The following REXO1 variants were observed in gnomAD, a reference collection of about 807,000 sequenced individuals.
REXO1 encodes RNA exonuclease 1 homolog.
Under a neutral mutation model 102.6 loss-of-function variants are expected in REXO1, and 42 were observed. That is an observed-to-expected ratio of 0.41 (90% CI 0.32 to 0.53). The LOEUF (loss-of-function observed/expected upper bound fraction) is 0.53. Ranked by LOEUF, REXO1 falls within the 20% of genes least tolerant of loss-of-function variation. The pLI is 0.27. For synonymous variants in REXO1, 908 were observed against 779.1 expected, an observed-to-expected ratio of 1.17 and a Z score of -2.76; for missense variants, 1,819 against 1,732.5, an observed-to-expected ratio of 1.05 and a Z score of -0.89.
intron 5 of REXO1, 37 bp downstream of exon 5, chr19:1,821,482 T>TG: frequency 6.2e-7 from 1 of 1,611,110 alleles, no homozygotes; most frequent in Non-Finnish European, 8.5e-7. Context: ...GGCGTGGTCT[T>TG]GGGGGTGGTG....
intron 1 of REXO1, among the ~76,000 whole-genome samples, chr19:1,843,825 C>T (rs888061847): frequency 7.9e-5 from 12 of 152,252 alleles, no homozygotes; most frequent in Non-Finnish European, 1.5e-4. Context: ...CACGGAAAGC[C>T]GGCTGTCTCC....
intron 3 of REXO1, among the ~76,000 whole-genome samples, 158 bp downstream of exon 3, chr19:1,825,681 G>A (rs2069694100): frequency 6.6e-6 from 1 of 151,788 alleles, no homozygotes; most frequent in Admixed American, 6.6e-5. Flanking sequence ...TTGCCATGCT[G>A]GCCAGGCTGG....
Position 1,826,489 on chromosome 19 carries a change from A to C in REXO1, c.1911+389T>G, listed in dbSNP as rs1599141341. 1.8e-5 allele frequency among the ~76,000 whole-genome samples: 1 copy of C among 54,596 alleles called. No homozygotes were observed. The highest frequency in any genetic ancestry group is 3.5e-5 in the Non-Finnish European group (1 of 28,290). The allele number at this position is 54,596 out of a possible 152,430, so 35.8% of individuals were successfully genotyped here. A position where few individuals can be genotyped will look rare whatever the true frequency, so the allele number is the denominator to read the frequency against. The stretch of plus-strand genomic sequence containing the variant: ...AGAGACAGAGATGGGGGAAGGGAGG[A>C]GGGGAGAAGAGAGGGGGAAGGGAGG... On this transcript the variant is annotated intron_variant, in intron 2 of 15. Coordinates refer to ENST00000170168, the MANE Select transcript of REXO1 (RefSeq NM_020695.4). This position sits in a 1 kb window ranked among gnomAD's most constrained non-coding sequence, Gnocchi z 4.3.
intron 10 of REXO1, 134 bp from the exon 11 acceptor site, chr19:1,817,914 G>A (rs895054004): frequency 7.2e-6 from 5 of 692,532 alleles, no homozygotes; most frequent in Non-Finnish European, 1.2e-5. Context: ...CCTCTTGGTG[G>A]AGCTGGAAGC....
At chr19:1,845,997 C>T (rs1302174566) in intron 1 of REXO1, among the ~76,000 whole-genome samples, 1 of 152,234 alleles carries the variant, frequency 6.6e-6, no homozygotes, top group African/African-American at 2.4e-5. Context: ...ACAGGGTCAC[C>T]ATGCAGCGCG....
Position 1,826,788 on chromosome 19 carries a change from C to T in REXO1, c.1911+90G>A. On this transcript the variant is annotated intron_variant, in intron 2 of 15. Coordinates refer to ENST00000170168, the MANE Select transcript of REXO1 (RefSeq NM_020695.4). The surrounding 1 kb of genome is among the most constrained non-coding windows in gnomAD (Gnocchi z 4.3). ...CTGCCTCCACCCCGTGCCTCCGAGCCAACTGGAAACCACTCCAGATAGAAG... is the reference window on the plus strand; with the variant it reads ...CTGCCTCCACCCCGTGCCTCCGAGCTAACTGGAAACCACTCCAGATAGAAG... 1 of 1,510,346 alleles carries T rather than the reference C, an allele frequency of 6.6e-7. No homozygotes were observed. The highest frequency in any genetic ancestry group is 8.8e-7 in the Non-Finnish European group (1 of 1,133,530). The allele number at this position is 1,510,346 out of a possible 1,614,324, so 93.6% of individuals were successfully genotyped here. A position where few individuals can be genotyped will look rare whatever the true frequency, so the allele number is the denominator to read the frequency against.
Position 1,827,282 on chromosome 19 carries a change from C to T in REXO1, c.1507G>A (p.Gly503Ser), listed in dbSNP as rs746486995. ...VERKARSLDE[G>S]ASQDAPKLKK... is the part of the protein sequence containing the mutation. Reference sequence around the variant, plus strand: ...AGCTTGGGGGCGTCCTGGGAGGCGCCCTCGTCTAGTGAGCGGGCTTTCCGC... The same window carrying T: ...AGCTTGGGGGCGTCCTGGGAGGCGCTCTCGTCTAGTGAGCGGGCTTTCCGC... Residue 503 changes from glycine (G) to serine (S), a missense_variant, in exon 2 of 16, where the codon GGC (glycine) becomes AGC (serine). Physicochemically the swap from Gly to Ser is moderately conservative, Grantham distance 56. Coordinates refer to ENST00000170168, the MANE Select transcript of REXO1 (RefSeq NM_020695.4). The T allele has an allele frequency of 1.3e-6, 2 of 1,563,924 alleles. No homozygotes were observed. Among genetic ancestry groups the T allele is most frequent in the South Asian group, 2.3e-5 (2 of 86,676 alleles).
chr19:1,833,270 G>A (rs2069953903), intron 1 of REXO1, among the ~76,000 whole-genome samples: 1 of 152,166 alleles, frequency 6.6e-6, no homozygotes, highest in South Asian at 2.1e-4. Flanking sequence ...GGAAGGATCC[G>A]TGTGTCTGTT....
intron 1 of REXO1, chr19:1,835,036 C>T: frequency 2.6e-6 from 1 of 391,568 alleles, no homozygotes; most frequent in East Asian, 9.5e-5. Flanking sequence ...TGGGGCTCGG[C>T]CATGGCTGCC....
At chr19:1,829,172 CGGT>C (rs1190868066) in intron 1 of REXO1, among the ~76,000 whole-genome samples, 1 of 152,080 alleles carries the variant, frequency 6.6e-6, no homozygotes, top group African/African-American at 2.4e-5. Context: ...GGTGTGCCTG[CGGT>C]GATGTGGCTG....
In REXO1 at chr19:1,826,868, C is replaced by T. The variant is rs774698180; in HGVS notation, c.1911+10G>A. On this transcript the variant is annotated intron_variant, in intron 2 of 15. Coordinates refer to ENST00000170168, the MANE Select transcript of REXO1 (RefSeq NM_020695.4). This position sits in a 1 kb window ranked among gnomAD's most constrained non-coding sequence, Gnocchi z 4.3. ...TGCCCGAGCCCAGCCCCAGCACCCG[C>T]GCGCCTCACCTGCCGGGCCAGCCGG... 1.0e-4 allele frequency: 157 copies of T among 1,566,148 alleles called. No homozygotes were observed. Among genetic ancestry groups the T allele is most frequent in the East Asian group, 3.3e-4 (14 of 42,524 alleles).
At chr19:1,823,532 C>G (rs1454899581) in intron 4 of REXO1, 40 bp downstream of exon 4, 2 of 1,265,300 alleles carry the variant, frequency 1.6e-6, no homozygotes, top group East Asian at 3.1e-5. Flanking sequence ...GCCCACATGC[C>G]CACGGCCCCC....
intron 1 of REXO1, among the ~76,000 whole-genome samples, chr19:1,846,333 G>A (rs567097008): frequency 6.6e-6 from 1 of 152,326 alleles, no homozygotes; most frequent in African/African-American, 2.4e-5. Flanking sequence ...CTCACCGCAA[G>A]GAAGATGGAT....
At chr19:1,818,650 G>A (rs750493788) in intron 9 of REXO1, 55 bp from the exon 10 acceptor site, 34 of 1,607,818 alleles carry the variant, frequency 2.1e-5, no homozygotes, top group Admixed American at 3.3e-5. Context: ...CCGCATGCCC[G>A]GCCTTGCCCA....
rs969574624 is a variant in REXO1 at position 1,819,417 on chromosome 19, G to T, written c.2651-286C>A. On this transcript the variant is annotated intron_variant, in intron 7 of 15. Transcript: ENST00000170168. ...CCCCTCAAGCGAAGGGGGAAGGGCGGGGAGAACAGCACGGGGGATCTAATG... is the reference window on the plus strand; with the variant it reads ...CCCCTCAAGCGAAGGGGGAAGGGCGTGGAGAACAGCACGGGGGATCTAATG... Among the ~76,000 whole-genome samples the T allele has an allele frequency of 2.6e-5, 4 of 151,872 alleles. 1 individual carries two copies. Among genetic ancestry groups the T allele is most frequent in the Middle Eastern group, 6.3e-3 (2 of 316 alleles).
chr19:1,840,240 G>A (rs557152235), intron 1 of REXO1, among the ~76,000 whole-genome samples: 3 of 152,346 alleles, frequency 2.0e-5, no homozygotes, highest in Admixed American at 6.5e-5. Flanking sequence ...CCCAGGGCAG[G>A]TGTCTGCAGA....
intron 1 of REXO1, among the ~76,000 whole-genome samples, chr19:1,843,908 T>C (rs2011417402): frequency 6.6e-6 from 1 of 152,192 alleles, no homozygotes; most frequent in South Asian, 2.1e-4. Context: ...CCAGAGGAAA[T>C]GAAGGCAAGC....
At chr19:1,824,987 A>G (rs2069666754) in intron 3 of REXO1, among the ~76,000 whole-genome samples, 2 of 145,062 alleles carry the variant, frequency 1.4e-5, no homozygotes, top group East Asian at 4.6e-4. Context: ...GGGTTTCACC[A>G]TGTTGGCCAG....
intron 4 of REXO1, chr19:1,822,054 C>CT: frequency 2.0e-6 from 1 of 494,832 alleles, no homozygotes; most frequent in Non-Finnish European, 3.5e-6. Context: ...TGGCTTTGCC[C>CT]TGCCCTGCGG....
Sources: gnomAD v4.1 joint callset for allele counts (sites outside exome capture counted in the v4.1 genomes callset) on GRCh38, gnomAD v4.1.1 for gene constraint, Gnocchi (gnomAD v3.1) non-coding constraint, MANE v1.5 for transcripts, NCBI Gene and HGNC (gene_info 2026-07-23, HGNC 2026-07-21) for gene names.